The following PCGF6 variants were observed in gnomAD, a reference collection of about 807,000 sequenced individuals.
The protein encoded by PCGF6 is polycomb group RING finger protein 6.
PCGF6 carries 24 observed loss-of-function variants against 45.5 expected under a neutral mutation model. That is an observed-to-expected ratio of 0.53 (90% CI 0.38 to 0.74). The LOEUF (loss-of-function observed/expected upper bound fraction) is 0.74, where lower values mean the gene tolerates loss of function less well. Ranked by LOEUF, PCGF6 falls within the 30% of genes least tolerant of loss-of-function variation. PCGF6 has a pLI of 0.00. For synonymous variants in PCGF6, 152 were observed against 162.1 expected, an observed-to-expected ratio of 0.94 and a Z score of 0.47; for missense variants, 356 against 443.2, an observed-to-expected ratio of 0.80 and a Z score of 1.77.
Position 103,312,959 on chromosome 10 carries a change from T to TCAAAAACAAAAACAAAAA in PCGF6, c.996+1209_996+1226dup, listed in dbSNP as rs144077726. Among the ~76,000 whole-genome samples, 7 of 150,412 alleles carry TCAAAAACAAAAACAAAAA rather than the reference T, an allele frequency of 4.7e-5. No individual in the cohort carries two copies. The East Asian group carries it at 9.9e-4, about 21-fold the overall frequency. On this transcript the variant is annotated intron_variant, in intron 9 of 9. Coordinates refer to ENST00000369847, the MANE Select transcript of PCGF6 (RefSeq NM_001011663.2). ...CTGGGCGACAGAGCGAGACTCCGTC[T>TCAAAAACAAAAACAAAAA]CAAAAACAAAAACAAAAACAAAAAC...
intron 6 of PCGF6, among the ~76,000 whole-genome samples, chr10:103,341,457 G>A (rs12763259): frequency 6.6e-6 from 1 of 151,532 alleles, no homozygotes; most frequent in South Asian, 2.1e-4. Context: ...TGTATTTTTC[G>A]AGACGGAGTT....
chr10:103,320,658 C>T (rs2093193976), intron 8 of PCGF6, among the ~76,000 whole-genome samples: 1 of 151,782 alleles, frequency 6.6e-6, no homozygotes, highest in Non-Finnish European at 1.5e-5. Context: ...CCATTGCACT[C>T]CATCCTGGGC....
intron 1 of PCGF6, among the ~76,000 whole-genome samples, chr10:103,350,048 A>C (rs961883232): frequency 6.6e-5 from 10 of 151,768 alleles, no homozygotes; most frequent in Admixed American, 2.6e-4. Context: ...GCGCCACTGC[A>C]CTCCAGCCTG....
At chr10:103,304,026 T>C (rs1041108339) in intron 9 of PCGF6, 65 bp from the exon 10 acceptor site, 3 of 1,358,004 alleles carry the variant, frequency 2.2e-6, no homozygotes, top group Non-Finnish European at 3.1e-6. Context: ...AATGATCAAG[T>C]CAAAGCTGGC....
chr10:103,343,388 A>AT lies in PCGF6; in HGVS notation c.782+1635dup, dbSNP rs1199116637. ...CAGTGATACAACATGAGAAATCTAGATTTTTTCCAAGAAAGGCATTTTAGT... is the reference window on the plus strand; with the variant it reads ...CAGTGATACAACATGAGAAATCTAGATTTTTTTCCAAGAAAGGCATTTTAGT... On this transcript the variant is annotated intron_variant, in intron 6 of 9. Coordinates refer to ENST00000369847, the MANE Select transcript of PCGF6 (RefSeq NM_001011663.2). Among the ~76,000 whole-genome samples, 7 of 151,902 alleles carry AT rather than the reference A, an allele frequency of 4.6e-5. 1 individual carries two copies. Among genetic ancestry groups the AT allele is most frequent in the South Asian group, 4.2e-4 (2 of 4,818 alleles).
rs769624721 is a variant in PCGF6 at position 103,303,887 on chromosome 10, A to G, written c.*18T>C. The stretch of plus-strand genomic sequence containing the variant: ...AGAAGCCTCCTTTGTTTCCCTCCTC[A>G]TAATGTGCCTAGAATCTTCAAGTTA... On this transcript the variant is annotated 3_prime_UTR_variant, in exon 10 of 10. Coordinates refer to ENST00000369847, the MANE Select transcript of PCGF6 (RefSeq NM_001011663.2). The G allele has an allele frequency of 1.3e-6, 2 of 1,599,588 alleles. No homozygotes were observed. Among genetic ancestry groups the G allele is most frequent in the Non-Finnish European group, 1.7e-6 (2 of 1,167,598 alleles).
intron 8 of PCGF6, among the ~76,000 whole-genome samples, chr10:103,323,912 TTAAC>T (rs1208762606): frequency 6.6e-6 from 1 of 151,856 alleles, no homozygotes; most frequent in Non-Finnish European, 1.5e-5. Flanking sequence ...ATCTATTAAT[TTAAC>T]TAACAATACA....
At chr10:103,321,000 TA>T (rs1291438412) in intron 8 of PCGF6, among the ~76,000 whole-genome samples, 1 of 152,220 alleles carries the variant, frequency 6.6e-6, no homozygotes, top group Non-Finnish European at 1.5e-5. Flanking sequence ...TACTCTACCT[TA>T]AATTTAGGCC....
intron 6 of PCGF6, among the ~76,000 whole-genome samples, chr10:103,343,760 G>C (rs922933857): frequency 7.7e-6 from 1 of 129,272 alleles, no homozygotes. Flanking sequence ...CTGAACCTGG[G>C]AGGCAGCAGT....
rs35839501 is a variant in PCGF6 at position 103,338,063 on chromosome 10, CAAAAAAAAAAAA to C, written c.783-4123_783-4112del. Reference sequence around the variant, plus strand: ...TGGGTGACAGAGCGAGACTCCGTCTCAAAAAAAAAAAAAAAAAAAAATACAAAATTAGCTGAG... The same window carrying C: ...TGGGTGACAGAGCGAGACTCCGTCTCAAAAAAAAATACAAAATTAGCTGAG... On this transcript the variant is annotated intron_variant, in intron 6 of 9. Coordinates refer to ENST00000369847, the MANE Select transcript of PCGF6 (RefSeq NM_001011663.2). Among the ~76,000 whole-genome samples, 2 of 26,850 alleles carry C rather than the reference CAAAAAAAAAAAA, an allele frequency of 7.4e-5. 1 individual carries two copies. Among genetic ancestry groups the C allele is most frequent in the African/African-American group, 2.9e-4 (2 of 6,996 alleles). The allele number at this position is 26,850 out of a possible 152,430, so 17.6% of individuals were successfully genotyped here.
intron 9 of PCGF6, among the ~76,000 whole-genome samples, chr10:103,309,197 G>C (rs189959058): frequency 2.6e-5 from 3 of 113,542 alleles, no homozygotes; most frequent in South Asian, 2.5e-4. Context: ...GAGATTTGGT[G>C]GGGGGGGGGC....
chr10:103,322,213 A>AT (rs959570489), intron 8 of PCGF6, among the ~76,000 whole-genome samples: 2 of 150,708 alleles, frequency 1.3e-5, no homozygotes, highest in African/African-American at 2.4e-5. Flanking sequence ...ACTTATTTTT[A>AT]TTTTTTTTGA....
At chr10:103,317,916 G>A (rs770866148) in intron 8 of PCGF6, among the ~76,000 whole-genome samples, 3 of 151,158 alleles carry the variant, frequency 2.0e-5, no homozygotes, top group Non-Finnish European at 4.4e-5. Context: ...GCATCACCAC[G>A]CATGGCTAAT....
In PCGF6 at chr10:103,333,932, T is replaced by C. The variant is rs751404603; in HGVS notation, c.803A>G (p.His268Arg). The C allele has an allele frequency of 1.2e-5, 19 of 1,559,316 alleles. No individual in the cohort carries two copies. The highest frequency in any genetic ancestry group is 1.4e-5 in the Non-Finnish European group (16 of 1,157,246). ...AAAAAAAAAGTAAAATACCTTAAAA[T>C]GTCCCGTGCCTTCATTAGCACTGAA... ...EFIGANEGTG[H>R]FKPLEKKFVR... Residue 268 changes from histidine (H) to arginine (R), a missense_variant, in exon 7 of 10, where the codon CAT (histidine) becomes CGT (arginine). Coordinates refer to ENST00000369847, the MANE Select transcript of PCGF6 (RefSeq NM_001011663.2).
intron 9 of PCGF6, among the ~76,000 whole-genome samples, chr10:103,307,235 G>C (rs901496152): frequency 3.9e-5 from 6 of 152,138 alleles, no homozygotes; most frequent in Non-Finnish European, 8.8e-5. Flanking sequence ...TTGAGCTCAG[G>C]AGTTCAAGAC....
chr10:103,345,931 G>A (rs2093297223), intron 5 of PCGF6, among the ~76,000 whole-genome samples: 1 of 151,992 alleles, frequency 6.6e-6, no homozygotes, highest in African/African-American at 2.4e-5. Context: ...GGTGGCTCAT[G>A]CCAGTAATCC....
chr10:103,347,284 T>G lies in PCGF6; in HGVS notation c.627A>C (p.Gln209His), dbSNP rs1189956579. 6.2e-7 allele frequency: 1 copy of G among 1,608,784 alleles called. No individual in the cohort carries two copies. The highest frequency in any genetic ancestry group is 2.2e-5 in the East Asian group (1 of 44,738). The change falls in exon 5 of 10, where the codon CAA (glutamine) becomes CAC (histidine). Residue 209 changes from glutamine to histidine, a missense_variant. Physicochemically the swap from Gln to His is conservative, Grantham distance 24. Transcript: ENST00000369847. ...VINLEEREKK[Q>H]MHDFYKERGL... ...CTCTTTCTTTATAGAAATCATGCAT[T>G]TGCTTTTTTTCTCCTAAAAAATGAT...
chr10:103,306,793 G>A (rs534383019), intron 9 of PCGF6, among the ~76,000 whole-genome samples: 4 of 152,250 alleles, frequency 2.6e-5, no homozygotes, highest in Non-Finnish European at 5.9e-5. Context: ...AGAGAGAGCA[G>A]ATGTCTATCT....
intron 3 of PCGF6, among the ~76,000 whole-genome samples, chr10:103,348,182 GT>G (rs1200273611): frequency 6.6e-6 from 1 of 152,154 alleles, no homozygotes; most frequent in Non-Finnish European, 1.5e-5. Flanking sequence ...ATTAACCTGA[GT>G]AAGTGATGGG....
Sources: gnomAD v4.1 joint callset for allele counts (sites outside exome capture counted in the v4.1 genomes callset) on GRCh38, gnomAD v4.1.1 for gene constraint, MANE v1.5 for transcripts, NCBI Gene and HGNC (gene_info 2026-07-23, HGNC 2026-07-21) for gene names.